Variants in DST observed in about 807,000 individuals in gnomAD.
DST encodes the protein dystonin, also known as bullous pemphigoid antigen.
DST carries 253 observed loss-of-function variants against 875.2 expected under a neutral mutation model. That is an observed-to-expected ratio of 0.29 (90% CI 0.26 to 0.32). The LOEUF (loss-of-function observed/expected upper bound fraction) is 0.32. Among genes scored for constraint, DST ranks in the 10% least tolerant of loss-of-function variants. The probability of loss-of-function intolerance (pLI) is 1.00; values close to 1 mark genes in which losing one functional copy is unlikely to be tolerated. For synonymous variants in DST, 3,124 were observed against 3,197.1 expected (o/e 0.98, Z 0.77); for missense variants, 8,287 against 9,111.6 (o/e 0.91, Z 3.68).
intron 64 of DST, among the ~76,000 whole-genome samples, chr6:56,530,925 C>T (rs528688866): frequency 6.6e-6 from 1 of 152,060 alleles, no homozygotes; most frequent in Non-Finnish European, 1.5e-5. Context: ...ATATTGCTGC[C>T]TTAACTTCTT....
At chr6:56,489,335 C>A (rs554738301) in intron 86 of DST, among the ~76,000 whole-genome samples, 155 bp downstream of exon 86, 1 of 152,258 alleles carries the variant, frequency 6.6e-6, no homozygotes. Context: ...GCAACATAAG[C>A]AACATGAAGA....
chr6:56,679,885 ATAAG>A (rs554355752), intron 9 of DST, among the ~76,000 whole-genome samples: 401 of 152,280 alleles, frequency 2.6e-3, no homozygotes, highest in African/African-American at 9.0e-3. Flanking sequence ...AAATAGCTAC[ATAAG>A]TAAGAACCCC....
Position 56,607,675 on chromosome 6 carries a change from T to A in DST, c.6953A>T (p.Gln2318Leu), listed in dbSNP as rs747511386. ...RNTVINSEFS[Q>L]SGKLASTISI... ...TATTGTACTTGCCAGTTTTCCTGAC[T>A]GAGAAAATTCACTATTGATAACAGT... The change falls in exon 40 of 104, where the codon CAG becomes CTG. Residue 2318 changes from glutamine (Q) to leucine (L), a missense_variant. Transcript: ENST00000680361. 6.2e-7 allele frequency: 1 copy of A among 1,613,520 alleles called. No individual in the cohort carries two copies. The highest frequency in any genetic ancestry group is 8.5e-7 in the Non-Finnish European group (1 of 1,179,660).
Position 56,501,134 on chromosome 6 carries a change from C to A in DST, c.19842G>T (p.Gln6614His), listed in dbSNP as rs376562335. ...LTHTEGLLSE[Q>H]KPVGGDPKAI... ...CTTTAGGGTCTCCTCCAACAGGTTT[C>A]TGCTCACTTAGCAAGCCCTCGGTGT... is the stretch of plus-strand genomic sequence containing the variant. Residue 6614 changes from glutamine (Q) to histidine (H), a missense_variant, in exon 80 of 104, where the codon CAG becomes CAT. Gln to His is a conservative substitution (Grantham distance 24, BLOSUM62 0). Coordinates refer to ENST00000680361, the MANE Select transcript of DST (RefSeq NM_001374736.1). 121 of 1,612,798 alleles carry A rather than the reference C, an allele frequency of 7.5e-5. No individual in the cohort carries two copies. Among genetic ancestry groups the A allele is most frequent in the Non-Finnish European group, 9.3e-5 (110 of 1,179,322 alleles).
At chr6:56,487,398 T>C (rs2095604281) in intron 86 of DST, 125 bp from the exon 87 acceptor site, 1 of 868,066 alleles carries the variant, frequency 1.2e-6, no homozygotes, top group African/African-American at 1.7e-5. Flanking sequence ...TTATAATGAC[T>C]TGACTTAGGA....
At chr6:56,924,616 T>C (rs1474145478) in intron 2 of DST, among the ~76,000 whole-genome samples, 1 of 152,154 alleles carries the variant, frequency 6.6e-6, no homozygotes, top group Non-Finnish European at 1.5e-5. Context: ...TTTCTACTAA[T>C]ATTCTCTTAT....
chr6:56,874,588 T>C (rs1778836530), intron 3 of DST, among the ~76,000 whole-genome samples: 1 of 152,208 alleles, frequency 6.6e-6, no homozygotes. Flanking sequence ...ATCATTCTCA[T>C]TCTACATAAG....
At chr6:56,619,806 G>C in intron 36 of DST, 1 of 1,613,518 alleles carries the variant, frequency 6.2e-7, no homozygotes, top group Non-Finnish European at 8.5e-7. Flanking sequence ...GTTTCATCTA[G>C]TTTATCTTTT....
intron 9 of DST, among the ~76,000 whole-genome samples, chr6:56,694,216 TAA>T (rs10660963): frequency 4.3e-5 from 6 of 138,446 alleles, no homozygotes; most frequent in Non-Finnish European, 3.2e-5. Flanking sequence ...ATAGATATGG[TAA>T]AAAAAAAAAA....
intron 5 of DST, among the ~76,000 whole-genome samples, chr6:56,710,821 T>C (rs1453683654): frequency 6.6e-6 from 1 of 152,188 alleles, no homozygotes; most frequent in Non-Finnish European, 1.5e-5. Flanking sequence ...AATTCGAAAT[T>C]GGTGCAGTTA....
At chr6:56,576,146 T>C (rs1214794305) in intron 50 of DST, among the ~76,000 whole-genome samples, 1 of 152,296 alleles carries the variant, frequency 6.6e-6, no homozygotes, top group African/African-American at 2.4e-5. Flanking sequence ...GGGGAGCTTC[T>C]GAATAGCTGA....
At chr6:56,588,096 A>T in intron 49 of DST, among the ~76,000 whole-genome samples, 1 of 152,358 alleles carries the variant, frequency 6.6e-6, no homozygotes, top group Admixed American at 6.5e-5. Flanking sequence ...TAAATGCTCC[A>T]ATCAAGTATT....
chr6:56,809,552 ATCTC>A (rs1289206082), intron 4 of DST, among the ~76,000 whole-genome samples: 7 of 152,234 alleles, frequency 4.6e-5, no homozygotes, highest in Admixed American at 6.5e-5. Flanking sequence ...GCAATATACT[ATCTC>A]TCATAGTTCT....
intron 55 of DST, among the ~76,000 whole-genome samples, chr6:56,564,755 T>G (rs577983922): frequency 6.6e-6 from 1 of 152,324 alleles, no homozygotes; most frequent in Non-Finnish European, 1.5e-5. Context: ...CATCGATACC[T>G]AGTTTATTAA....
chr6:56,834,167 C>A (rs1022418380), intron 4 of DST, among the ~76,000 whole-genome samples: 2 of 151,988 alleles, frequency 1.3e-5, no homozygotes, highest in African/African-American at 4.8e-5. Flanking sequence ...TTCATGGTTA[C>A]AGTGAGTTAT....
chr6:56,727,809 CTG>C (rs889968457), intron 5 of DST, among the ~76,000 whole-genome samples: 11 of 152,208 alleles, frequency 7.2e-5, no homozygotes, highest in Non-Finnish European at 1.3e-4. Flanking sequence ...ATTCAAGATT[CTG>C]TGTCTTTATA....
chr6:56,748,314 A>G (rs1395272598), intron 4 of DST, among the ~76,000 whole-genome samples: 4 of 152,200 alleles, frequency 2.6e-5, no homozygotes, highest in Admixed American at 1.3e-4. Flanking sequence ...AACAAGATTT[A>G]GGAATCAGTA....
intron 55 of DST, among the ~76,000 whole-genome samples, chr6:56,564,145 G>C (rs2097601325): frequency 6.6e-6 from 1 of 152,184 alleles, no homozygotes; most frequent in Non-Finnish European, 1.5e-5. Flanking sequence ...CGATAGCACT[G>C]AATCTACAAA....
intron 32 of DST, 73 bp from the exon 33 acceptor site, chr6:56,628,234 G>A: frequency 7.4e-7 from 1 of 1,355,974 alleles, no homozygotes; most frequent in Non-Finnish European, 1.1e-6. Context: ...GTAGAGATGG[G>A]AGAGACAAAA....
Sources: allele counts gnomAD v4.1 joint callset (sites outside exome capture counted in the v4.1 genomes callset), GRCh38; gene constraint gnomAD v4.1.1; transcripts MANE v1.5; gene names NCBI Gene and HGNC (gene_info 2026-07-23, HGNC 2026-07-21).